The following GRID2 variants were observed in gnomAD, a reference collection of about 807,000 sequenced individuals.
GRID2 encodes the protein glutamate ionotropic receptor delta type subunit 2, also known as glutamate receptor ionotropic, delta-2.
A neutral mutation model predicts 114.8 loss-of-function variants in GRID2; 33 were observed. The ratio of observed to expected loss-of-function variants is 0.29; its 90% confidence interval spans 0.22 to 0.38. The LOEUF (loss-of-function observed/expected upper bound fraction) is 0.38. GRID2 is among the 10% of genes least tolerant of loss of function. The pLI, the probability that GRID2 is intolerant of heterozygous loss-of-function variation, is 1.00. For missense variants in GRID2, 1,184 were observed against 1,257.7 expected, an observed-to-expected ratio of 0.94 and a Z score of 0.89; for synonymous variants, 505 against 449.9, an observed-to-expected ratio of 1.12 and a Z score of -1.55.
intron 1 of GRID2, among the ~76,000 whole-genome samples, chr4:92,395,835 G>A (rs1468187942): frequency 6.6e-6 from 1 of 151,776 alleles, no homozygotes. Context: ...ACTAATAAAT[G>A]AGTAATTATT....
chr4:93,453,496 A>G (rs1435805584), intron 10 of GRID2, among the ~76,000 whole-genome samples: 3 of 152,110 alleles, frequency 2.0e-5, no homozygotes, highest in Non-Finnish European at 4.4e-5. Flanking sequence ...TTATAGATAT[A>G]TGACAAGTAA....
intron 2 of GRID2, among the ~76,000 whole-genome samples, chr4:93,011,591 A>G (rs1271499984): frequency 6.6e-6 from 1 of 152,116 alleles, no homozygotes; most frequent in Non-Finnish European, 1.5e-5. Flanking sequence ...CAAGAATTTA[A>G]AAGCTGTGTG....
intron 13 of GRID2, among the ~76,000 whole-genome samples, chr4:93,613,274 A>T: frequency 7.2e-6 from 1 of 138,332 alleles, no homozygotes; most frequent in African/African-American, 2.7e-5. Flanking sequence ...CCCGTAGCTC[A>T]GAGTAATTTG....
At chr4:92,980,009 T>G (rs1225562241) in intron 2 of GRID2, among the ~76,000 whole-genome samples, 4 of 152,176 alleles carry the variant, frequency 2.6e-5, no homozygotes, top group Non-Finnish European at 5.9e-5. Context: ...AGGAGTCTTT[T>G]TATTTGCTGG....
chr4:93,588,812 A>AT (rs1243328701), intron 13 of GRID2, among the ~76,000 whole-genome samples: 4 of 151,974 alleles, frequency 2.6e-5, no homozygotes, highest in Admixed American at 1.3e-4. Flanking sequence ...TGTAATGTGG[A>AT]TTTTTTTTAT....
At chr4:92,638,351 G>C (rs867271183) in intron 2 of GRID2, among the ~76,000 whole-genome samples, 3 of 150,340 alleles carry the variant, frequency 2.0e-5, no homozygotes, top group South Asian at 4.2e-4. Flanking sequence ...TGTTACCTTG[G>C]GCTTACTGTA....
At chr4:92,519,253 T>C (rs1724655708) in intron 1 of GRID2, among the ~76,000 whole-genome samples, 1 of 151,726 alleles carries the variant, frequency 6.6e-6, no homozygotes, top group South Asian at 2.1e-4. Flanking sequence ...TAAAAGTCAC[T>C]AAAGAAAAAA....
At chr4:93,014,633 G>A (rs1397048038) in intron 2 of GRID2, among the ~76,000 whole-genome samples, 1 of 152,106 alleles carries the variant, frequency 6.6e-6, no homozygotes, top group Non-Finnish European at 1.5e-5. Flanking sequence ...GATAATTTAT[G>A]TAGTGGCCAA....
chr4:92,649,533 C>A (rs933348891), intron 2 of GRID2, among the ~76,000 whole-genome samples: 3 of 151,800 alleles, frequency 2.0e-5, no homozygotes, highest in Admixed American at 1.3e-4. Context: ...CAGAAACATT[C>A]TCACAGGCAC....
intron 4 of GRID2, among the ~76,000 whole-genome samples, chr4:93,135,524 G>T (rs1195890154): frequency 1.3e-5 from 2 of 152,078 alleles, no homozygotes; most frequent in Non-Finnish European, 2.9e-5. Flanking sequence ...GTATTAATAT[G>T]CTAATGACTG....
Position 93,669,688 on chromosome 4 carries a change from T to G in GRID2, c.2360+43253T>G, listed in dbSNP as rs200937065. On this transcript the variant is annotated intron_variant, in intron 14 of 15. Transcript: ENST00000282020. Reference sequence around the variant, plus strand: ...CTCCAAACACATATCTTTTATTTCATGTAGCAATTTTCAAAGAGATGGATG... The same window carrying G: ...CTCCAAACACATATCTTTTATTTCAGGTAGCAATTTTCAAAGAGATGGATG... Among the ~76,000 whole-genome samples, 263 of 152,282 alleles carry G rather than the reference T, an allele frequency of 1.7e-3. 1 individual carries two copies. Among genetic ancestry groups the G allele is most frequent in the Non-Finnish European group, 3.3e-3 (223 of 68,004 alleles).
chr4:92,920,291 C>G (rs1252707948), intron 2 of GRID2, among the ~76,000 whole-genome samples: 1 of 152,154 alleles, frequency 6.6e-6, no homozygotes, highest in Middle Eastern at 3.2e-3. Context: ...TGGGTCTTGA[C>G]TCTTTATCCA....
intron 2 of GRID2, among the ~76,000 whole-genome samples, chr4:92,718,801 T>C (rs981369981): frequency 6.8e-6 from 1 of 146,142 alleles, no homozygotes; most frequent in African/African-American, 2.5e-5. Context: ...TACTCTTAAG[T>C]GATAAGATAG....
chr4:93,500,780 C>G (rs1728017739), intron 12 of GRID2, among the ~76,000 whole-genome samples: 1 of 151,998 alleles, frequency 6.6e-6, no homozygotes, highest in Non-Finnish European at 1.5e-5. Flanking sequence ...TAGAGACTGG[C>G]AAGACCCCTG....
intron 8 of GRID2, among the ~76,000 whole-genome samples, chr4:93,380,936 G>A (rs1442907692): frequency 2.0e-5 from 3 of 152,072 alleles, no homozygotes; most frequent in Non-Finnish European, 2.9e-5. Context: ...GAGGATTGAA[G>A]ATGGTATCAT....
chr4:93,538,088 T>C (rs149119084), intron 13 of GRID2, among the ~76,000 whole-genome samples: 1,837 of 151,912 alleles, frequency 0.012, 34 homozygotes, highest in African/African-American at 0.041. Context: ...TATTAAAAAT[T>C]GTATACTCAA....
At chr4:92,920,482 G>A (rs965412318) in intron 2 of GRID2, among the ~76,000 whole-genome samples, 2 of 152,146 alleles carry the variant, frequency 1.3e-5, no homozygotes, top group African/African-American at 4.8e-5. Flanking sequence ...GCAGTGGCTG[G>A]TACCAGTTGT....
chr4:92,745,116 A>G (rs1737083950), intron 2 of GRID2, among the ~76,000 whole-genome samples: 1 of 152,224 alleles, frequency 6.6e-6, no homozygotes, highest in South Asian at 2.1e-4. Context: ...CAGAAACATA[A>G]CATGAGTGGA....
At chr4:93,696,676 A>G (rs767776165) in intron 14 of GRID2, among the ~76,000 whole-genome samples, 7 of 152,210 alleles carry the variant, frequency 4.6e-5, no homozygotes, top group Non-Finnish European at 1.0e-4. Flanking sequence ...TTTCAGGTCC[A>G]CTTTTCACCT....
Sources: allele counts gnomAD v4.1 joint callset (sites outside exome capture counted in the v4.1 genomes callset), GRCh38; gene constraint gnomAD v4.1.1; transcripts MANE v1.5; gene names NCBI Gene and HGNC (gene_info 2026-07-23, HGNC 2026-07-21).